Variants in MISP3 observed in about 807,000 individuals in gnomAD.
MISP3 encodes the protein MISP family member 3, also known as uncharacterized protein MISP3.
In MISP3, 9 loss-of-function variants were observed where a neutral mutation model predicts 5.5. The ratio of observed to expected loss-of-function variants is 1.65; its 90% confidence interval spans 0.99 to 2.87. The LOEUF (loss-of-function observed/expected upper bound fraction) is 2.87, where lower values mean the gene tolerates loss of function less well. MISP3 is among the 30% of genes most tolerant of loss of function. MISP3 has a pLI of 0.00. For missense variants in MISP3, 152 were observed against 84.1 expected (o/e 1.81, Z -3.16); for synonymous variants, 87 against 38.1 (o/e 2.28, Z -4.73).
At position 14,074,550 on chromosome 19, in the gene MISP3, T is replaced by A. The variant is rs1976658150; in HGVS notation, c.642+87T>A. The A allele has an allele frequency of 1.5e-6, 1 of 681,418 alleles. No homozygotes were observed. The highest frequency in any genetic ancestry group is 2.7e-6 in the Non-Finnish European group (1 of 371,288). The allele number at this position is 681,418 out of a possible 1,614,324, so 42.2% of individuals were successfully genotyped here. A position where few individuals can be genotyped will look rare whatever the true frequency, so the allele number is the denominator to read the frequency against. ...AGGACGCTTGGTGGGGAAAAGTGCA[T>A]CCTCCCTGGAGGGCCACTCTGGTCA... is the stretch of plus-strand genomic sequence containing the variant. On this transcript the variant is annotated intron_variant, in intron 2 of 2. Coordinates refer to ENST00000587086, the MANE Select transcript of MISP3 (RefSeq NM_001291291.2). The surrounding 1 kb of genome is among the most constrained non-coding windows in gnomAD (Gnocchi z 4.4).
chr19:14,074,489 T>C lies in MISP3; in HGVS notation c.642+26T>C. 1 of 698,312 alleles carries C rather than the reference T, an allele frequency of 1.4e-6. No individual in the cohort carries two copies. The allele number at this position is 698,312 out of a possible 1,614,324, so 43.3% of individuals were successfully genotyped here. On this transcript the variant is annotated intron_variant, in intron 2 of 2. Coordinates refer to ENST00000587086, the MANE Select transcript of MISP3 (RefSeq NM_001291291.2). This position sits in a 1 kb window ranked among gnomAD's most constrained non-coding sequence, Gnocchi z 4.4. Reference sequence around the variant, plus strand: ...GTGGGAGCCCCCTTACCCGTGTGCCTCTAGCGCTTGTCGGTCCCCCCACCC... The same window carrying C: ...GTGGGAGCCCCCTTACCCGTGTGCCCCTAGCGCTTGTCGGTCCCCCCACCC...
chr19:14,074,739 G>A lies in MISP3; in HGVS notation c.*16G>A, dbSNP rs1157137928. The A allele has an allele frequency of 5.7e-6, 4 of 701,744 alleles. No individual in the cohort carries two copies. The highest frequency in any genetic ancestry group is 4.4e-5 in the South Asian group (3 of 67,586). The allele number at this position is 701,744 out of a possible 1,614,324, so 43.5% of individuals were successfully genotyped here. On this transcript the variant is annotated 3_prime_UTR_variant, in exon 3 of 3. Coordinates refer to ENST00000587086, the MANE Select transcript of MISP3 (RefSeq NM_001291291.2). The surrounding 1 kb of genome is among the most constrained non-coding windows in gnomAD (Gnocchi z 4.4). ...CAAACCTTGAGGTTTGAAAAGGCTG[G>A]GACCCCCGGCCGGAAGTAACGTACG...
At position 14,074,135 on chromosome 19, in the gene MISP3, G is replaced by A; in HGVS notation, c.569-255G>A. The A allele has an allele frequency of 1.7e-6, 1 of 593,246 alleles. No homozygotes were observed. The allele number at this position is 593,246 out of a possible 1,614,324, so 36.7% of individuals were successfully genotyped here. ...GCGCGGGGGTGGGGGCATTCCAGAT[G>A]TCTTCCTTTTTGTCGGGTTCCAGGG... On this transcript the variant is annotated intron_variant, in intron 1 of 2. Transcript: ENST00000587086. This position sits in a 1 kb window ranked among gnomAD's most constrained non-coding sequence, Gnocchi z 4.4.
At position 14,074,767 on chromosome 19, in the gene MISP3, T is replaced by A. The variant is rs765401482; in HGVS notation, c.*44T>A. ...CCCCCGGCCGGAAGTAACGTACGCG[T>A]CAGAGGAACAGGGCGGGGGGCGTCT... On this transcript the variant is annotated 3_prime_UTR_variant, in exon 3 of 3. Transcript: ENST00000587086. The surrounding 1 kb of genome is among the most constrained non-coding windows in gnomAD (Gnocchi z 4.4). 1 of 699,736 alleles carries A rather than the reference T, an allele frequency of 1.4e-6. No individual in the cohort carries two copies. Among genetic ancestry groups the A allele is most frequent in the South Asian group, 1.5e-5 (1 of 67,546 alleles). The allele number at this position is 699,736 out of a possible 1,614,324, so 43.3% of individuals were successfully genotyped here.
chr19:14,073,367 C>T lies in MISP3; in HGVS notation c.58C>T (p.Arg20Cys). 1.4e-6 allele frequency: 1 copy of T among 698,398 alleles called. No individual in the cohort carries two copies. Among genetic ancestry groups the T allele is most frequent in the Non-Finnish European group, 2.6e-6 (1 of 382,566 alleles). The allele number at this position is 698,398 out of a possible 1,614,324, so 43.3% of individuals were successfully genotyped here. A position where few individuals can be genotyped will look rare whatever the true frequency, so the allele number is the denominator to read the frequency against. ...RRSCEREESL[R>C]RSRGLSPGRA... ...CAGCTGCGAACGCGAGGAGAGCCTG[C>T]GCCGGAGCCGGGGCCTGAGCCCGGG... The change falls in exon 1 of 3, where the codon CGC (arginine) becomes TGC (cysteine). Residue 20 changes from arginine to cysteine, a missense_variant. Coordinates refer to ENST00000587086, the MANE Select transcript of MISP3 (RefSeq NM_001291291.2). The surrounding 1 kb of genome is among the most constrained non-coding windows in gnomAD (Gnocchi z 8.5).
chr19:14,073,894 G>C lies in MISP3; in HGVS notation c.568+17G>C. ...GCCTCACCGGTAAGCCGCGGGCGTA[G>C]CAACGCCGGGACCCCCAGGGTTCCA... On this transcript the variant is annotated intron_variant, in intron 1 of 2. Coordinates refer to ENST00000587086, the MANE Select transcript of MISP3 (RefSeq NM_001291291.2). This position sits in a 1 kb window ranked among gnomAD's most constrained non-coding sequence, Gnocchi z 8.5. 1 of 661,746 alleles carries C rather than the reference G, an allele frequency of 1.5e-6. No individual in the cohort carries two copies. Among genetic ancestry groups the C allele is most frequent in the Non-Finnish European group, 2.7e-6 (1 of 373,438 alleles). The allele number at this position is 661,746 out of a possible 1,614,324, so 41.0% of individuals were successfully genotyped here.
Position 14,074,636 on chromosome 19 carries a change from C to T in MISP3, c.643-70C>T, listed in dbSNP as rs7255516. On this transcript the variant is annotated intron_variant, in intron 2 of 2. Transcript: ENST00000587086. This position sits in a 1 kb window ranked among gnomAD's most constrained non-coding sequence, Gnocchi z 4.4. The stretch of plus-strand genomic sequence containing the variant: ...GAGACGGTGGTCTTGAGGCCCAAAC[C>T]GCCACCCCGAGCCTGGATGCAGTGC... 5 of 694,998 alleles carry T rather than the reference C, an allele frequency of 7.2e-6. No homozygotes were observed. The highest frequency in any genetic ancestry group is 3.5e-5 in the African/African-American group (2 of 56,996). The allele number at this position is 694,998 out of a possible 1,614,324, so 43.1% of individuals were successfully genotyped here.
Position 14,073,462 on chromosome 19 carries a change from GCTCC to G in MISP3, c.155_158del (p.Leu52ArgfsTer147). Reference sequence around the variant, plus strand: ...TCAACCTGCCGGGTCCTGGCCCCGCGCTCCCGCGCGCCCTGGAGCGGGCGCGGGC... The same window carrying G: ...TCAACCTGCCGGGTCCTGGCCCCGCGCGCGCGCCCTGGAGCGGGCGCGGGC... On this transcript the variant is annotated frameshift_variant, in exon 1 of 3. Coordinates refer to ENST00000587086, the MANE Select transcript of MISP3 (RefSeq NM_001291291.2). LOFTEE classifies it high-confidence loss of function. The surrounding 1 kb of genome is among the most constrained non-coding windows in gnomAD (Gnocchi z 8.5). The G allele has an allele frequency of 2.0e-6, 1 of 510,416 alleles. No individual in the cohort carries two copies. 31.6% of individuals were successfully genotyped at this position (510,416 alleles called of 1,614,324 possible). A position where few individuals can be genotyped will look rare whatever the true frequency, so the allele number is the denominator to read the frequency against.
Position 14,074,326 on chromosome 19 carries a change from G to A in MISP3, c.569-64G>A. ...GGTGAACGCCTGTGTGTGTTTAAGG[G>A]GTGCGGCCGGCCTTTCATCCTGGCT... On this transcript the variant is annotated intron_variant, in intron 1 of 2. Coordinates refer to ENST00000587086, the MANE Select transcript of MISP3 (RefSeq NM_001291291.2). This position sits in a 1 kb window ranked among gnomAD's most constrained non-coding sequence, Gnocchi z 4.4. 1.4e-6 allele frequency: 1 copy of A among 697,654 alleles called. No individual in the cohort carries two copies. Among genetic ancestry groups the A allele is most frequent in the Admixed American group, 2.0e-5 (1 of 49,404 alleles). The allele number at this position is 697,654 out of a possible 1,614,324, so 43.2% of individuals were successfully genotyped here.
Position 14,074,810 on chromosome 19 carries a change from A to C in MISP3, c.*87A>C. On this transcript the variant is annotated 3_prime_UTR_variant, in exon 3 of 3. Coordinates refer to ENST00000587086, the MANE Select transcript of MISP3 (RefSeq NM_001291291.2). This position sits in a 1 kb window ranked among gnomAD's most constrained non-coding sequence, Gnocchi z 4.4. The stretch of plus-strand genomic sequence containing the variant: ...GGGCGTCTAGCATTAGGCCTGGAGA[A>C]GGGTCGGCTCTCTGCATTGGGGAAG... The C allele has an allele frequency of 1.5e-6, 1 of 681,966 alleles. No homozygotes were observed. Among genetic ancestry groups the C allele is most frequent in the Non-Finnish European group, 2.7e-6 (1 of 367,478 alleles). The allele number at this position is 681,966 out of a possible 1,614,324, so 42.2% of individuals were successfully genotyped here.
rs1456911449 is a variant in MISP3 at position 14,073,277 on chromosome 19, G to A, written c.-33G>A. The A allele has an allele frequency of 8.7e-6, 6 of 691,454 alleles. No homozygotes were observed. Among genetic ancestry groups the A allele is most frequent in the African/African-American group, 3.5e-5 (2 of 56,744 alleles). 42.8% of individuals were successfully genotyped at this position (691,454 alleles called of 1,614,324 possible). Reference sequence around the variant, plus strand: ...CCACCTGCGTTTTCCGCCGTGCCCCGAGGCTCCCCAGCGTCCCCCGGAGGA... The same window carrying A: ...CCACCTGCGTTTTCCGCCGTGCCCCAAGGCTCCCCAGCGTCCCCCGGAGGA... On this transcript the variant is annotated 5_prime_UTR_variant, in exon 1 of 3. Transcript: ENST00000587086. The surrounding 1 kb of genome is among the most constrained non-coding windows in gnomAD (Gnocchi z 8.5).
Position 14,072,814 on chromosome 19 carries a change from G to A in MISP3, c.-496G>A, listed in dbSNP as rs1976608972. On this transcript the variant is annotated 5_prime_UTR_variant, in exon 1 of 3. Transcript: ENST00000587086. The surrounding 1 kb of genome is among the most constrained non-coding windows in gnomAD (Gnocchi z 6.8). ...ACCCACGGCCGCCACTGCCGCCACA[G>A]GTGCCTCACAGTGCCCTCTGTCCTC... 1 of 360,548 alleles carries A rather than the reference G, an allele frequency of 2.8e-6. No individual in the cohort carries two copies. The highest frequency in any genetic ancestry group is 2.0e-5 in the South Asian group (1 of 48,876). The allele number at this position is 360,548 out of a possible 1,614,324, so 22.3% of individuals were successfully genotyped here. A position where few individuals can be genotyped will look rare whatever the true frequency, so the allele number is the denominator to read the frequency against.
chr19:14,073,260 G>C lies in MISP3; in HGVS notation c.-50G>C. ...TCAGGCTCGGAAGCCCCCCACCTGCGTTTTCCGCCGTGCCCCGAGGCTCCC... is the reference window on the plus strand; with the variant it reads ...TCAGGCTCGGAAGCCCCCCACCTGCCTTTTCCGCCGTGCCCCGAGGCTCCC... On this transcript the variant is annotated 5_prime_UTR_variant, in exon 1 of 3. Transcript: ENST00000587086. The surrounding 1 kb of genome is among the most constrained non-coding windows in gnomAD (Gnocchi z 8.5). 2.9e-6 allele frequency: 2 copies of C among 686,602 alleles called. No homozygotes were observed. Among genetic ancestry groups the C allele is most frequent in the Non-Finnish European group, 2.7e-6 (1 of 374,538 alleles). The allele number at this position is 686,602 out of a possible 1,614,324, so 42.5% of individuals were successfully genotyped here.
rs1976658245 is a variant in MISP3 at position 14,074,559 on chromosome 19, G to A, written c.642+96G>A. ...GGTGGGGAAAAGTGCATCCTCCCTG[G>A]AGGGCCACTCTGGTCAGAACTCAGT... is the stretch of plus-strand genomic sequence containing the variant. On this transcript the variant is annotated intron_variant, in intron 2 of 2. Transcript: ENST00000587086. The surrounding 1 kb of genome is among the most constrained non-coding windows in gnomAD (Gnocchi z 4.4). 1 of 683,322 alleles carries A rather than the reference G, an allele frequency of 1.5e-6. No individual in the cohort carries two copies. Among genetic ancestry groups the A allele is most frequent in the Non-Finnish European group, 2.7e-6 (1 of 371,718 alleles). 42.3% of individuals were successfully genotyped at this position (683,322 alleles called of 1,614,324 possible).
chr19:14,073,459 C>T lies in MISP3; in HGVS notation c.150C>T (p.Pro50=). Residue 50 remains proline, a synonymous_variant, in exon 1 of 3, where the codon CCC becomes CCT. Coordinates refer to ENST00000587086, the MANE Select transcript of MISP3 (RefSeq NM_001291291.2). The surrounding 1 kb of genome is among the most constrained non-coding windows in gnomAD (Gnocchi z 8.5). The stretch of plus-strand genomic sequence containing the variant: ...TGCTCAACCTGCCGGGTCCTGGCCC[C>T]GCGCTCCCGCGCGCCCTGGAGCGGG... The part of the protein sequence containing the change: ...RPVLNLPGPG[P]ALPRALERAR... 1 of 510,668 alleles carries T rather than the reference C, an allele frequency of 2.0e-6. No individual in the cohort carries two copies. The allele number at this position is 510,668 out of a possible 1,614,324, so 31.6% of individuals were successfully genotyped here.
In MISP3 at chr19:14,073,893, A is replaced by G; in HGVS notation, c.568+16A>G. 1.5e-6 allele frequency: 1 copy of G among 666,484 alleles called. No homozygotes were observed. Among genetic ancestry groups the G allele is most frequent in the Non-Finnish European group, 2.7e-6 (1 of 375,070 alleles). 41.3% of individuals were successfully genotyped at this position (666,484 alleles called of 1,614,324 possible). A position where few individuals can be genotyped will look rare whatever the true frequency, so the allele number is the denominator to read the frequency against. On this transcript the variant is annotated intron_variant, in intron 1 of 2. Coordinates refer to ENST00000587086, the MANE Select transcript of MISP3 (RefSeq NM_001291291.2). This position sits in a 1 kb window ranked among gnomAD's most constrained non-coding sequence, Gnocchi z 8.5. ...AGCCTCACCGGTAAGCCGCGGGCGT[A>G]GCAACGCCGGGACCCCCAGGGTTCC... is the stretch of plus-strand genomic sequence containing the variant.
In MISP3 at chr19:14,074,661, C is replaced by G. The variant is rs137936357; in HGVS notation, c.643-45C>G. 3,766 of 700,664 alleles carry G rather than the reference C, an allele frequency of 5.4e-3. 18 individuals are homozygous for G. The highest frequency in any genetic ancestry group is 7.9e-3 in the Non-Finnish European group (3,035 of 383,128). The allele number at this position is 700,664 out of a possible 1,614,324, so 43.4% of individuals were successfully genotyped here. The stretch of plus-strand genomic sequence containing the variant: ...CGCCACCCCGAGCCTGGATGCAGTG[C>G]GCAGGTCCCTGAGGCCGGCCTTCCT... On this transcript the variant is annotated intron_variant, in intron 2 of 2. Transcript: ENST00000587086. The surrounding 1 kb of genome is among the most constrained non-coding windows in gnomAD (Gnocchi z 4.4).
In MISP3 at chr19:14,074,563, G is replaced by T; in HGVS notation, c.642+100G>T. 1 of 682,776 alleles carries T rather than the reference G, an allele frequency of 1.5e-6. No homozygotes were observed. Among genetic ancestry groups the T allele is most frequent in the Non-Finnish European group, 2.7e-6 (1 of 371,070 alleles). The allele number at this position is 682,776 out of a possible 1,614,324, so 42.3% of individuals were successfully genotyped here. A position where few individuals can be genotyped will look rare whatever the true frequency, so the allele number is the denominator to read the frequency against. On this transcript the variant is annotated intron_variant, in intron 2 of 2. Transcript: ENST00000587086. This position sits in a 1 kb window ranked among gnomAD's most constrained non-coding sequence, Gnocchi z 4.4. ...GGGAAAAGTGCATCCTCCCTGGAGG[G>T]CCACTCTGGTCAGAACTCAGTCTGG...
At position 14,073,813 on chromosome 19, in the gene MISP3, G is replaced by C. The variant is rs1259905449; in HGVS notation, c.504G>C (p.Leu168=). Reference sequence around the variant, plus strand: ...CCGTGCGCGAGCGCGAGCAGGAACTGCAGCGCCAGCGGCGCAGCGTCTATG... The same window carrying C: ...CCGTGCGCGAGCGCGAGCAGGAACTCCAGCGCCAGCGGCGCAGCGTCTATG... ...VRAVREREQE[L]QRQRRSVYGT... Residue 168 remains leucine (L), a synonymous_variant, in exon 1 of 3, where the codon CTG becomes CTC. Transcript: ENST00000587086. This position sits in a 1 kb window ranked among gnomAD's most constrained non-coding sequence, Gnocchi z 8.5. 1.4e-6 allele frequency: 1 copy of C among 701,680 alleles called. No homozygotes were observed. Among genetic ancestry groups the C allele is most frequent in the Non-Finnish European group, 2.6e-6 (1 of 384,528 alleles). 43.5% of individuals were successfully genotyped at this position (701,680 alleles called of 1,614,324 possible).
Sources: gnomAD v4.1 joint callset for allele counts on GRCh38, gnomAD v4.1.1 for gene constraint, Gnocchi (gnomAD v3.1) non-coding constraint, MANE v1.5 for transcripts, NCBI Gene and HGNC (gene_info 2026-07-23, HGNC 2026-07-21) for gene names.